PALM2AKAP2: variants seen among roughly 807,000 people sequenced by gnomAD.
PALM2AKAP2 encodes the protein PALM2-AKAP2 fusion protein.
In PALM2AKAP2, 37 loss-of-function variants were observed where a neutral mutation model predicts 71.5. The ratio of observed to expected loss-of-function variants is 0.52; its 90% CI spans 0.40 to 0.68. The LOEUF is 0.68. Ranked by LOEUF, PALM2AKAP2 falls within the 30% of genes least tolerant of loss-of-function variation. The probability of loss-of-function intolerance (pLI) is 0.00; values close to 1 mark genes in which losing one functional copy is unlikely to be tolerated. For missense variants in PALM2AKAP2, 1,224 were observed against 1,191.8 expected, an observed-to-expected ratio of 1.03 and a Z score of -0.40; for synonymous variants, 468 against 478.8, an observed-to-expected ratio of 0.98 and a Z score of 0.29.
intron 6 of PALM2AKAP2, among the ~76,000 whole-genome samples, chr9:110,014,897 A>G (rs1832953201): frequency 7.0e-6 from 1 of 142,454 alleles, no homozygotes; most frequent in African/African-American, 2.6e-5. Context: ...CTTTTCACCA[A>G]TGTAGATCAT....
At chr9:109,761,744 G>A (rs62578099) in intron 1 of PALM2AKAP2, among the ~76,000 whole-genome samples, 4,649 of 152,234 alleles carry the variant, frequency 0.031, 106 homozygotes, top group Non-Finnish European at 0.045. Flanking sequence ...TGGTGTATAT[G>A]TGCCACATTT....
At chr9:109,956,660 A>C (rs1588032309) in intron 6 of PALM2AKAP2, among the ~76,000 whole-genome samples, 1 of 152,154 alleles carries the variant, frequency 6.6e-6, no homozygotes, top group South Asian at 2.1e-4. Flanking sequence ...CAAACTTCAG[A>C]CTTTTGGGCA....
exon 4 of PALM2AKAP2, chr9:110,172,235 A>C (rs1191058968): frequency 6.6e-6 from 1 of 152,608 alleles, no homozygotes; most frequent in Non-Finnish European, 1.5e-5. Context: ...TTAAAGAACA[A>C]ATTTCCTGAA....
chr9:109,953,842 A>G (rs1831692649), intron 6 of PALM2AKAP2, among the ~76,000 whole-genome samples: 1 of 151,346 alleles, frequency 6.6e-6, no homozygotes, highest in African/African-American at 2.4e-5. Context: ...CTCAAAAAAA[A>G]AAAAAAAAAA....
chr9:109,657,452 T>TTTTGTGTGTGTGTGTGTGTGTGTG (rs112474230), intron 1 of PALM2AKAP2, among the ~76,000 whole-genome samples: 31 of 147,106 alleles, frequency 2.1e-4, no homozygotes, highest in African/African-American at 7.4e-4. Context: ...AATATGGTAT[T>TTTTGTGTGTGTGTGTGTGTGTGTG]TGTGTGTGTG....
chr9:109,980,505 C>T (rs1351063218), intron 6 of PALM2AKAP2, among the ~76,000 whole-genome samples: 1 of 152,206 alleles, frequency 6.6e-6, no homozygotes, highest in Admixed American at 6.5e-5. Context: ...GAGGCCTCAT[C>T]GTACACCAGC....
At chr9:109,977,353 T>G (rs1832190114) in intron 6 of PALM2AKAP2, among the ~76,000 whole-genome samples, 1 of 152,210 alleles carries the variant, frequency 6.6e-6, no homozygotes, top group African/African-American at 2.4e-5. Flanking sequence ...CTTGCATCAA[T>G]TTTCTGATTG....
intron 1 of PALM2AKAP2, among the ~76,000 whole-genome samples, chr9:109,718,699 G>T (rs2118627830): frequency 6.6e-6 from 1 of 152,098 alleles, no homozygotes; most frequent in Admixed American, 6.6e-5. Context: ...AAGTATATTT[G>T]TCACAACTGA....
chr9:110,125,536 G>C, intron 1 of PALM2AKAP2: 1 of 985,580 alleles, frequency 1.0e-6, no homozygotes, highest in Non-Finnish European at 1.2e-6. Flanking sequence ...GTGCACGCAG[G>C]AATCTGTCTG....
At chr9:109,651,550 T>A (rs940459435) in intron 1 of PALM2AKAP2, among the ~76,000 whole-genome samples, 1 of 152,206 alleles carries the variant, frequency 6.6e-6, no homozygotes, top group African/African-American at 2.4e-5. Context: ...TCACACAGCA[T>A]GTGAGGATAG....
At chr9:110,036,415 G>A (rs1833410704) in intron 7 of PALM2AKAP2, among the ~76,000 whole-genome samples, 2 of 152,082 alleles carry the variant, frequency 1.3e-5, no homozygotes, top group Non-Finnish European at 2.9e-5. Flanking sequence ...CATGTGCCTG[G>A]TGCAGCTTCC....
chr9:110,115,554 C>T (rs933607233), intron 1 of PALM2AKAP2, among the ~76,000 whole-genome samples: 1 of 152,210 alleles, frequency 6.6e-6, no homozygotes, highest in African/African-American at 2.4e-5. Flanking sequence ...TGGAGCAGGA[C>T]TCTCAGACTG....
upstream of PALM2AKAP2, among the ~76,000 whole-genome samples, chr9:109,780,010 C>T (rs1195938468): frequency 6.6e-6 from 1 of 151,618 alleles, no homozygotes; most frequent in African/African-American, 2.4e-5. Context: ...CGCCGTGCGC[C>T]CGCGCCCCAG....
intron 1 of PALM2AKAP2, among the ~76,000 whole-genome samples, chr9:110,109,615 G>A (rs1021160820): frequency 2.6e-5 from 4 of 152,136 alleles, no homozygotes; most frequent in Admixed American, 6.5e-5. Flanking sequence ...GCAAGGGGTC[G>A]CAGAGCAGCT....
At chr9:110,159,147 G>A (rs1210922388) in intron 3 of PALM2AKAP2, among the ~76,000 whole-genome samples, 1 of 152,134 alleles carries the variant, frequency 6.6e-6, no homozygotes, top group East Asian at 1.9e-4. Context: ...GGATTGCTGG[G>A]GGGATGAGTT....
chr9:110,015,875 G>A (rs891051892), intron 6 of PALM2AKAP2, 79 bp from the exon 7 acceptor site: 2 of 1,303,972 alleles, frequency 1.5e-6, no homozygotes, highest in African/African-American at 1.5e-5. Context: ...ACATGGGATT[G>A]TAATCTGAGC....
At chr9:109,701,325 A>G (rs907672214) in intron 1 of PALM2AKAP2, among the ~76,000 whole-genome samples, 8 of 152,200 alleles carry the variant, frequency 5.3e-5, no homozygotes, top group African/African-American at 1.7e-4. Context: ...GAGGCATCAC[A>G]CTACCTGACT....
At chr9:109,714,001 C>A (rs1273180608) in intron 1 of PALM2AKAP2, among the ~76,000 whole-genome samples, 3 of 152,136 alleles carry the variant, frequency 2.0e-5, no homozygotes, top group African/African-American at 7.2e-5. Context: ...ACTCTTTGTA[C>A]TTTCTGTTCA....
chr9:109,780,229 C>T, upstream of PALM2AKAP2: 1 of 1,044,368 alleles, frequency 9.6e-7, no homozygotes, highest in Non-Finnish European at 1.2e-6. Context: ...CGGCCGGCGG[C>T]GGCGGCGACC....
Sources: gnomAD v4.1 joint callset for allele counts (sites outside exome capture counted in the v4.1 genomes callset) on GRCh38, gnomAD v4.1.1 for gene constraint, MANE v1.5 for transcripts, NCBI Gene and HGNC (gene_info 2026-07-23, HGNC 2026-07-21) for gene names.